The following PPP1R3F variants were observed in gnomAD, a reference collection of about 807,000 sequenced individuals.
The protein encoded by PPP1R3F is protein phosphatase 1 regulatory subunit 3F, also known as protein phosphatase 1, regulatory (inhibitor) subunit 3F.
PPP1R3F carries 29 observed loss-of-function variants against 24.2 expected under a neutral mutation model. The observed-to-expected ratio is 1.20, with a 90% confidence interval of 0.89 to 1.63. The LOEUF (loss-of-function observed/expected upper bound fraction) is 1.63, where lower values mean the gene tolerates loss of function less well. Ranked by LOEUF, PPP1R3F falls within the 40% of genes most tolerant of loss-of-function variation. The pLI is 0.00. For synonymous variants in PPP1R3F, 363 were observed against 340.1 expected, an observed-to-expected ratio of 1.07 and a Z score of -0.74; for missense variants, 823 against 729.3, an observed-to-expected ratio of 1.13 and a Z score of -1.48.
chrX:49,294,231 C>T (rs1346955821), intron 3 of PPP1R3F, among the ~76,000 whole-genome samples: 2 of 109,022 alleles, frequency 1.8e-5, no homozygotes, highest in Non-Finnish European at 1.9e-5. Context: ...CACTCCCTCT[C>T]CTCACCCCCT....
chrX:49,285,212 A>AT (rs36080998), intron 3 of PPP1R3F, among the ~76,000 whole-genome samples: 7,578 of 101,551 alleles, frequency 0.075, 303 homozygotes, highest in Non-Finnish European at 0.11. Flanking sequence ...TACACTCTTT[A>AT]TTTTTTTTTT....
At chrX:49,295,474 T>C (rs1231036210) in intron 3 of PPP1R3F, among the ~76,000 whole-genome samples, 2 of 112,104 alleles carry the variant, frequency 1.8e-5, no homozygotes, top group Non-Finnish European at 3.8e-5. Context: ...ATTGTGTCAG[T>C]TTTGCATCCC....
Position 49,287,012 on chromosome X carries a change from G to C in PPP1R3F, c.2322G>C (p.Val774=). Residue 774 remains valine, a synonymous_variant, in exon 4 of 4, where the codon GTG becomes GTC. Transcript: ENST00000055335. ...TQTLGVLAGL[V]VVPVALNSGV... The stretch of plus-strand genomic sequence containing the variant: ...CTCTGGGGGTCCTGGCCGGGCTAGT[G>C]GTGGTCCCTGTGGCTCTGAACAGCG... The C allele has an allele frequency of 8.3e-7, 1 of 1,212,048 alleles. No homozygotes were observed. The highest frequency in any genetic ancestry group is 3.0e-5 in the East Asian group (1 of 33,872).
chrX:49,277,753 T>C (rs2066223163), intron 1 of PPP1R3F, among the ~76,000 whole-genome samples: 1 of 112,546 alleles, frequency 8.9e-6, no homozygotes, highest in African/African-American at 3.2e-5. Context: ...GGAGCCCTCC[T>C]GGAGTGTTTG....
downstream of PPP1R3F, among the ~76,000 whole-genome samples, chrX:49,291,316 C>CTCTCTCTCTCTCTCTCTCTCTCTCTG (rs782097550): frequency 2.3e-4 from 20 of 88,373 alleles, no homozygotes; most frequent in African/African-American, 6.1e-4. Flanking sequence ...CTCTCTCTCT[C>CTCTCTCTCTCTCTCTCTCTCTCTCTG]TCTCTCTCTC....
intron 3 of PPP1R3F, among the ~76,000 whole-genome samples, chrX:49,284,463 C>T (rs1602712920): frequency 1.3e-5 from 1 of 78,678 alleles, no homozygotes; most frequent in Non-Finnish European, 2.5e-5. Context: ...TTTTTCTTTC[C>T]TTTCTTTCCT....
chrX:49,280,288 G>A (rs1483555683), intron 1 of PPP1R3F, among the ~76,000 whole-genome samples: 4 of 111,271 alleles, frequency 3.6e-5, no homozygotes, highest in Non-Finnish European at 3.8e-5. Flanking sequence ...TCACTCTGTC[G>A]CCCAGGCTGG....
chrX:49,290,960 G>A (rs1484744924), downstream of PPP1R3F, among the ~76,000 whole-genome samples: 1 of 111,353 alleles, frequency 9.0e-6, no homozygotes, highest in Admixed American at 9.5e-5. Context: ...ATCTGTTAAT[G>A]TGGTGAATTA....
downstream of PPP1R3F, among the ~76,000 whole-genome samples, chrX:49,291,288 T>C (rs868958561): frequency 2.3e-3 from 117 of 50,603 alleles, no homozygotes; most frequent in Admixed American, 4.3e-3. Flanking sequence ...CAGCCTACTT[T>C]TCTCTCTCTC....
intron 2 of PPP1R3F, 93 bp downstream of exon 2, chrX:49,281,554 G>A: frequency 2.8e-6 from 2 of 724,812 alleles, no homozygotes; most frequent in Non-Finnish European, 4.2e-6. Context: ...AAAAGGCTGG[G>A]CTCAGTGGCT....
chrX:49,299,256 G>T (rs1415436661), intron 3 of PPP1R3F, among the ~76,000 whole-genome samples: 1 of 112,215 alleles, frequency 8.9e-6, no homozygotes, highest in Non-Finnish European at 1.9e-5. Flanking sequence ...CCTTCTAACA[G>T]TCAGGCCCCT....
In PPP1R3F at chrX:49,270,440, T is replaced by A; in HGVS notation, c.571T>A (p.Phe191Ile). 8.4e-7 allele frequency: 1 copy of A among 1,197,193 alleles called. No homozygotes were observed. Among genetic ancestry groups the A allele is most frequent in the Non-Finnish European group, 1.1e-6 (1 of 892,988 alleles). ...GGCCTCACACGACGGCTGGGCTTCCTTTTGCGACCACCCAGCGCGCTACGT... is the reference window on the plus strand; with the variant it reads ...GGCCTCACACGACGGCTGGGCTTCCATTTGCGACCACCCAGCGCGCTACGT... ...VRASHDGWASFCDHPARYVPR... is the reference protein window; with the variant it reads ...VRASHDGWASICDHPARYVPR... The change falls in exon 1 of 4, where the codon TTT (phenylalanine) becomes ATT (isoleucine). Residue 191 changes from phenylalanine to isoleucine, a missense_variant. Coordinates refer to ENST00000055335, the MANE Select transcript of PPP1R3F (RefSeq NM_033215.5).
At chrX:49,271,354 CAG>C (rs1326092112) in intron 1 of PPP1R3F, among the ~76,000 whole-genome samples, 2 of 111,687 alleles carry the variant, frequency 1.8e-5, no homozygotes, top group Non-Finnish European at 3.8e-5. Flanking sequence ...GGAAAAGGAA[CAG>C]GGAGGACTTT....
Position 49,293,958 on chromosome X carries a change from C to T in PPP1R3F, c.393-7393C>T, listed in dbSNP as rs370781465. ...GCAGTGAGCCAAGATCGGGCCACTG[C>T]ACTCCAGCCTGGGTGAAGGTATGAG... On this transcript the variant is annotated intron_variant, in intron 3 of 3. Coordinates refer to the PPP1R3F transcript ENST00000471261. 1.6e-4 allele frequency among the ~76,000 whole-genome samples: 18 copies of T among 111,938 alleles called. No individual in the cohort carries two copies. The East Asian group carries it at 4.8e-3, about 30-fold the overall frequency.
chrX:49,280,576 A>G (rs1793451865), intron 1 of PPP1R3F, among the ~76,000 whole-genome samples: 1 of 58,409 alleles, frequency 1.7e-5, no homozygotes, highest in African/African-American at 5.2e-5. Context: ...ACTGAGTTTC[A>G]CTCTTGTCCC....
chrX:49,280,944 G>T (rs2066245162), intron 1 of PPP1R3F: 1 of 114,284 alleles, frequency 8.8e-6, no homozygotes, highest in South Asian at 3.6e-4. Flanking sequence ...AATGCTGTTT[G>T]CTGGTTTGCT....
intron 3 of PPP1R3F, among the ~76,000 whole-genome samples, chrX:49,295,460 G>T (rs1471058727): frequency 3.6e-5 from 4 of 112,080 alleles, no homozygotes; most frequent in African/African-American, 1.3e-4. Flanking sequence ...ATTGATTTTT[G>T]AATATTGTGT....
chrX:49,277,962 T>C (rs2066224464), intron 1 of PPP1R3F, among the ~76,000 whole-genome samples: 1 of 112,350 alleles, frequency 8.9e-6, no homozygotes, highest in African/African-American at 3.2e-5. Flanking sequence ...ATATCTGACT[T>C]TGGAGAACGA....
rs9779927 is a variant in PPP1R3F at position 49,269,831 on chromosome X, C to G, written c.-39C>G. ...CCCTTCAGGCCCTGCCCCCGCCGGT[C>G]CCGCCGCCGGTGCCGTCGGTGCCGC... is the stretch of plus-strand genomic sequence containing the variant. On this transcript the variant is annotated 5_prime_UTR_variant, in exon 1 of 4. Coordinates refer to ENST00000055335, the MANE Select transcript of PPP1R3F (RefSeq NM_033215.5). 4.3e-5 allele frequency: 37 copies of G among 856,293 alleles called. No individual in the cohort carries two copies. In the African/African-American group the frequency reaches 7.3e-4, roughly 17 times the overall value. 70.6% of individuals were successfully genotyped at this position (856,293 alleles called of 1,213,427 possible). A position where few individuals can be genotyped will look rare whatever the true frequency, so the allele number is the denominator to read the frequency against.
Sources: allele counts gnomAD v4.1 joint callset (sites outside exome capture counted in the v4.1 genomes callset), GRCh38; gene constraint gnomAD v4.1.1; transcripts MANE v1.5; gene names NCBI Gene and HGNC (gene_info 2026-07-23, HGNC 2026-07-21).